The following UBE2E2 variants were observed in gnomAD, a reference collection of about 807,000 sequenced individuals.
UBE2E2 encodes the protein ubiquitin-conjugating enzyme E2 E2.
UBE2E2 carries 6 observed loss-of-function variants against 24.7 expected under a neutral mutation model. The ratio of observed to expected loss-of-function variants is 0.24; its 90% CI spans 0.13 to 0.48. UBE2E2 has a LOEUF of 0.48. Among genes scored for constraint, UBE2E2 ranks in the 20% least tolerant of loss-of-function variants. The probability of loss-of-function intolerance (pLI) is 0.99; values close to 1 mark genes in which losing one functional copy is unlikely to be tolerated. For missense variants in UBE2E2, 169 were observed against 245.0 expected, an observed-to-expected ratio of 0.69 and a Z score of 2.07; for synonymous variants, 104 against 83.6, an observed-to-expected ratio of 1.24 and a Z score of -1.33.
intron 5 of UBE2E2, chr3:23,534,081 GTGTATAACCT>G (rs2125486860): frequency 3.7e-6 from 2 of 538,678 alleles, no homozygotes; most frequent in African/African-American, 4.2e-5. Flanking sequence ...GTCTGTGACT[GTGTATAACCT>G]TGTATAACCT....
At chr3:23,315,866 C>T (rs961071801) in intron 3 of UBE2E2, among the ~76,000 whole-genome samples, 7 of 152,026 alleles carry the variant, frequency 4.6e-5, no homozygotes, top group Non-Finnish European at 8.8e-5. Flanking sequence ...GTGATTCTTG[C>T]AGACCTGTAG....
intron 3 of UBE2E2, among the ~76,000 whole-genome samples, chr3:23,355,511 G>T (rs926481809): frequency 2.0e-5 from 3 of 152,196 alleles, no homozygotes; most frequent in African/African-American, 7.2e-5. Flanking sequence ...TTTTAAATCA[G>T]AAGATACTGA....
At chr3:23,564,895 G>A (rs1176957409) in intron 5 of UBE2E2, among the ~76,000 whole-genome samples, 10 of 152,064 alleles carry the variant, frequency 6.6e-5, no homozygotes, top group Non-Finnish European at 1.5e-4. Flanking sequence ...AGAATGACTG[G>A]CACTGCTACT....
At chr3:23,452,086 TTTCTTTG>T (rs1406719312) in intron 3 of UBE2E2, among the ~76,000 whole-genome samples, 8 of 152,234 alleles carry the variant, frequency 5.3e-5, no homozygotes, top group African/African-American at 1.9e-4. Context: ...TTGGAGAGTA[TTTCTTTG>T]GCTGAAAGTG....
intron 3 of UBE2E2, among the ~76,000 whole-genome samples, chr3:23,410,048 G>A (rs1158721293): frequency 6.6e-6 from 1 of 152,124 alleles, no homozygotes. Context: ...AGTTCTGGGG[G>A]TTAAGACTTG....
At chr3:23,368,179 G>A (rs2081657826) in intron 3 of UBE2E2, among the ~76,000 whole-genome samples, 1 of 151,804 alleles carries the variant, frequency 6.6e-6, no homozygotes, top group South Asian at 2.1e-4. Flanking sequence ...TTTATATTAT[G>A]TATAGTTCTC....
At chr3:23,404,698 A>G (rs1016496364) in intron 3 of UBE2E2, among the ~76,000 whole-genome samples, 8 of 152,174 alleles carry the variant, frequency 5.3e-5, no homozygotes, top group African/African-American at 1.7e-4. Flanking sequence ...ATTTTTTGCA[A>G]TTTTAAAAAG....
intron 3 of UBE2E2, among the ~76,000 whole-genome samples, chr3:23,354,259 C>T (rs1238113545): frequency 2.0e-5 from 3 of 152,060 alleles, no homozygotes; most frequent in East Asian, 1.9e-4. Context: ...AAGACTTAAA[C>T]ATTAGACCTA....
chr3:23,278,550 G>T (rs1269537831), intron 3 of UBE2E2, among the ~76,000 whole-genome samples: 2 of 152,048 alleles, frequency 1.3e-5, no homozygotes, highest in South Asian at 4.1e-4. Flanking sequence ...CAGCAAGGAG[G>T]TGCTTATAAT....
chr3:23,236,863 A>T (rs963245151), intron 3 of UBE2E2, among the ~76,000 whole-genome samples: 1 of 152,124 alleles, frequency 6.6e-6, no homozygotes, highest in Non-Finnish European at 1.5e-5. Context: ...AGTAGCAGAG[A>T]TGGAAAACCT....
intron 4 of UBE2E2, among the ~76,000 whole-genome samples, chr3:23,528,329 A>T (rs1311097194): frequency 1.3e-5 from 2 of 152,210 alleles, no homozygotes; most frequent in Non-Finnish European, 2.9e-5. Context: ...TGGAGAAAGA[A>T]TTCTGCCAAG....
At chr3:23,425,849 A>G (rs1464757857) in intron 3 of UBE2E2, among the ~76,000 whole-genome samples, 4 of 151,992 alleles carry the variant, frequency 2.6e-5, no homozygotes, top group African/African-American at 4.8e-5. Context: ...CTCAAGAAAA[A>G]AATTACAAGT....
At chr3:23,385,427 C>G (rs1696784697) in intron 3 of UBE2E2, among the ~76,000 whole-genome samples, 1 of 152,142 alleles carries the variant, frequency 6.6e-6, no homozygotes, top group African/African-American at 2.4e-5. Context: ...ATCACCATGC[C>G]ACAGCTGCTT....
chr3:23,526,697 A>G (rs1695006997), intron 4 of UBE2E2, among the ~76,000 whole-genome samples: 1 of 152,208 alleles, frequency 6.6e-6, no homozygotes, highest in Admixed American at 6.5e-5. Flanking sequence ...TCCTGCTTCA[A>G]AAGGTGGTAG....
intron 3 of UBE2E2, among the ~76,000 whole-genome samples, chr3:23,387,759 C>T (rs1250521973): frequency 6.6e-6 from 1 of 152,168 alleles, no homozygotes; most frequent in African/African-American, 2.4e-5. Context: ...ACAGTTGTAG[C>T]AGAGGTTTCA....
intron 3 of UBE2E2, among the ~76,000 whole-genome samples, chr3:23,223,081 G>A (rs549195239): frequency 3.8e-5 from 5 of 130,308 alleles, no homozygotes; most frequent in East Asian, 2.2e-4. Flanking sequence ...GTGCAGTGGC[G>A]TGATCTCTGC....
At chr3:23,310,050 G>A (rs1694328764) in intron 3 of UBE2E2, among the ~76,000 whole-genome samples, 1 of 152,112 alleles carries the variant, frequency 6.6e-6, no homozygotes, top group Non-Finnish European at 1.5e-5. Context: ...TCACTAAGAC[G>A]GGCCCATGTT....
chr3:23,250,287 C>G (rs1480699139), intron 3 of UBE2E2, among the ~76,000 whole-genome samples: 1 of 152,184 alleles, frequency 6.6e-6, no homozygotes, highest in Non-Finnish European at 1.5e-5. Flanking sequence ...GTCTTTAATT[C>G]TCTTTTACAT....
intron 3 of UBE2E2, among the ~76,000 whole-genome samples, chr3:23,406,560 A>G (rs1697359947): frequency 6.6e-6 from 1 of 152,234 alleles, no homozygotes; most frequent in African/African-American, 2.4e-5. Flanking sequence ...GAAATAAGAC[A>G]TAGTAAAACT....
Sources: gnomAD v4.1 joint callset for allele counts (sites outside exome capture counted in the v4.1 genomes callset) on GRCh38, gnomAD v4.1.1 for gene constraint, MANE v1.5 for transcripts, NCBI Gene and HGNC (gene_info 2026-07-23, HGNC 2026-07-21) for gene names.